Variants in GSPT1 observed in about 807,000 individuals in gnomAD.
GSPT1 encodes G1 to S phase transition 1, also known as eukaryotic peptide chain release factor GTP-binding subunit ERF3A.
Under a neutral mutation model 72.5 loss-of-function variants are expected in GSPT1, and 20 were observed. That is an observed-to-expected ratio of 0.28 (90% CI 0.19 to 0.40). The LOEUF is 0.40. Ranked by LOEUF, GSPT1 falls within the 10% of genes least tolerant of loss-of-function variation. GSPT1 has a pLI of 1.00. For missense variants in GSPT1, 580 were observed against 811.9 expected, an observed-to-expected ratio of 0.71 and a Z score of 3.47; for synonymous variants, 334 against 293.5, an observed-to-expected ratio of 1.14 and a Z score of -1.41.
intron 11 of GSPT1, among the ~76,000 whole-genome samples, chr16:11,880,427 T>C (rs779068812): frequency 3.9e-5 from 6 of 152,224 alleles, no homozygotes; most frequent in Non-Finnish European, 7.3e-5. Context: ...CAATTTTACA[T>C]GACCAACAGT....
chr16:11,892,514 C>A (rs33642), intron 5 of GSPT1, among the ~76,000 whole-genome samples: 121,263 of 122,420 alleles, frequency 0.99, 60,074 homozygotes, highest in South Asian at 1. Flanking sequence ...CTCAAAAAAA[C>A]AAAAAAAACA....
intron 1 of GSPT1, 64 bp downstream of exon 1, chr16:11,915,305 G>T: frequency 7.4e-7 from 1 of 1,356,904 alleles, no homozygotes. Context: ...CCCCCGGACC[G>T]CACCCCTACG....
rs1567444629 is a variant in GSPT1, at chr16:11,894,940, AG to A, written c.698+13del. On this transcript the variant is annotated intron_variant, in intron 5 of 14. Transcript: ENST00000434724. ...CAATTTAACTCTGTTATTTAACAAAAGATACAGACTTACATTATTTGTCCTC... is the reference window on the plus strand; with the variant it reads ...CAATTTAACTCTGTTATTTAACAAAAATACAGACTTACATTATTTGTCCTC... The A allele has an allele frequency of 4.0e-6, 6 of 1,518,742 alleles. No individual in the cohort carries two copies. In the South Asian group the frequency reaches 7.0e-5, roughly 18 times the overall value. 94.1% of individuals were successfully genotyped at this position (1,518,742 alleles called of 1,614,324 possible).
chr16:11,883,147 C>T (rs2054142466), intron 10 of GSPT1, 52 bp from the exon 11 acceptor site: 3 of 1,096,876 alleles, frequency 2.7e-6, no homozygotes, highest in Non-Finnish European at 4.2e-6. Context: ...TGCTGTATAA[C>T]AGCTCAATAG....
intron 1 of GSPT1, chr16:11,908,369 T>C (rs1342628694): frequency 6.6e-6 from 1 of 152,200 alleles, no homozygotes; most frequent in Non-Finnish European, 1.5e-5. Flanking sequence ...ACACCTGTAA[T>C]CCCAGCACTT....
At chr16:11,884,963 G>T (rs2054169250) in intron 10 of GSPT1, among the ~76,000 whole-genome samples, 1 of 151,680 alleles carries the variant, frequency 6.6e-6, no homozygotes, top group African/African-American at 2.4e-5. Context: ...AGCTACTCAG[G>T]AGGCTGAGGC....
chr16:11,876,220 A>T (rs754721879), intron 12 of GSPT1, 45 bp from the exon 13 acceptor site: 17 of 1,185,454 alleles, frequency 1.4e-5, no homozygotes, highest in Middle Eastern at 1.9e-4. Flanking sequence ...CTTAGGGTAA[A>T]TAAGAATTCA....
chr16:11,912,804 G>A (rs527919707), intron 1 of GSPT1, among the ~76,000 whole-genome samples: 2 of 152,128 alleles, frequency 1.3e-5, no homozygotes, highest in Admixed American at 6.5e-5. Flanking sequence ...GAATCTCTTG[G>A]CCAATTTACT....
chr16:11,886,061 C>T (rs896055231), intron 9 of GSPT1, among the ~76,000 whole-genome samples: 2 of 152,004 alleles, frequency 1.3e-5, no homozygotes, highest in Non-Finnish European at 2.9e-5. Flanking sequence ...TACACATAGA[C>T]CTTACATCTT....
At chr16:11,878,459 G>C (rs2141276081) in intron 11 of GSPT1, among the ~76,000 whole-genome samples, 1 of 152,100 alleles carries the variant, frequency 6.6e-6, no homozygotes, top group Non-Finnish European at 1.5e-5. Context: ...GAGCTGGGTA[G>C]TCCACATGCC....
At chr16:11,879,641 G>A (rs33651) in intron 11 of GSPT1, among the ~76,000 whole-genome samples, 68,612 of 150,630 alleles carry the variant, frequency 0.46, 16,872 homozygotes, top group East Asian at 0.77. Context: ...GCTGAGGCAG[G>A]AGCATTGCTT....
At position 11,915,660 on chromosome 16, in the gene GSPT1, T is replaced by G; in HGVS notation, c.61A>C (p.Ser21Arg). Residue 21 changes from serine to arginine, a missense_variant, in exon 1 of 15, where the codon AGC (serine) becomes CGC (arginine). Physicochemically the swap from Ser to Arg is moderately radical, Grantham distance 110. Coordinates refer to ENST00000434724, the MANE Select transcript of GSPT1 (RefSeq NM_002094.4). ...GGGGGGSSSG[S>R]SSSDSAPDCW... ...TCAGGCGCCGAGTCGCTGCTGCTGC[T>G]GCCGCTGCTGCTCCCGCCGCCGCCG... The G allele has an allele frequency of 6.7e-7, 1 of 1,483,724 alleles. No homozygotes were observed. Among genetic ancestry groups the G allele is most frequent in the Non-Finnish European group, 8.9e-7 (1 of 1,122,446 alleles). The allele number at this position is 1,483,724 out of a possible 1,614,324, so 91.9% of individuals were successfully genotyped here.
chr16:11,912,046 TAA>T (rs371293585), intron 1 of GSPT1, among the ~76,000 whole-genome samples: 8 of 113,188 alleles, frequency 7.1e-5, no homozygotes, highest in Non-Finnish European at 1.2e-4. Flanking sequence ...GTCAATCATT[TAA>T]AAAAAAAAAA....
chr16:11,900,507 A>G (rs2054392903), intron 1 of GSPT1, among the ~76,000 whole-genome samples: 1 of 152,006 alleles, frequency 6.6e-6, no homozygotes, highest in Non-Finnish European at 1.5e-5. Flanking sequence ...CTGCTAGCTC[A>G]TTCCCACCAA....
Position 11,896,849 on chromosome 16 carries a change from C to G in GSPT1, c.437-64G>C, listed in dbSNP as rs182099122. 5.7e-6 allele frequency: 6 copies of G among 1,059,748 alleles called. No individual in the cohort carries two copies. In the Admixed American group the frequency reaches 6.5e-5, roughly 12 times the overall value. The allele number at this position is 1,059,748 out of a possible 1,614,324, so 65.6% of individuals were successfully genotyped here. On this transcript the variant is annotated intron_variant, in intron 3 of 14. Transcript: ENST00000434724. The stretch of plus-strand genomic sequence containing the variant: ...CTTACAATCTATACTTTAAAATACA[C>G]TAGCTTTAAAACAACAAATGGAAGT...
chr16:11,915,125 G>T (rs1047515624), intron 1 of GSPT1: 1 of 1,111,430 alleles, frequency 9.0e-7, no homozygotes, highest in Non-Finnish European at 1.1e-6. Flanking sequence ...GGCGCGGAGG[G>T]GCGGCACTCG....
intron 1 of GSPT1, among the ~76,000 whole-genome samples, chr16:11,911,497 C>T (rs1156231800): frequency 6.6e-6 from 1 of 152,048 alleles, no homozygotes; most frequent in Non-Finnish European, 1.5e-5. Context: ...GAGATCCTCC[C>T]ACCTCAACCT....
rs562283294 is a variant in GSPT1, at chr16:11,895,832, G to A, written c.664+726C>T. ...AGTAGAGACGGGGTTTCACCATGTT[G>A]GCCAGGCTGGTCTTGAACTCCTGAC... On this transcript the variant is annotated intron_variant, in intron 4 of 14. Transcript: ENST00000434724. Among the ~76,000 whole-genome samples, 59 of 152,230 alleles carry A rather than the reference G, an allele frequency of 3.9e-4. No individual in the cohort carries two copies. The Middle Eastern group carries it at 0.01, about 26-fold the overall frequency.
chr16:11,884,763 CAAA>C (rs35794680), intron 10 of GSPT1, among the ~76,000 whole-genome samples: 13 of 94,648 alleles, frequency 1.4e-4, no homozygotes, highest in Admixed American at 2.3e-4. Flanking sequence ...GACTCCGTCT[CAAA>C]AAAAAAAAAA....
Sources: allele counts gnomAD v4.1 joint callset (sites outside exome capture counted in the v4.1 genomes callset), GRCh38; gene constraint gnomAD v4.1.1; transcripts MANE v1.5; gene names NCBI Gene and HGNC (gene_info 2026-07-23, HGNC 2026-07-21).